LARP1: variants seen among roughly 807,000 people sequenced by gnomAD.
The protein encoded by LARP1 is la-related protein 1.
Under a neutral mutation model 122.7 loss-of-function variants are expected in LARP1, and 36 were observed. That is an observed-to-expected ratio of 0.29 (90% CI 0.22 to 0.39). The LOEUF is 0.39. LARP1 is among the 10% of genes least tolerant of loss of function. The pLI, the probability that LARP1 is intolerant of heterozygous loss-of-function variation, is 1.00. For synonymous variants in LARP1, 539 were observed against 528.7 expected (o/e 1.02, Z -0.27); for missense variants, 1,040 against 1,403.6 (o/e 0.74, Z 4.14).
chr5:154,699,404 A>G (rs1415966932), intron 1 of LARP1, among the ~76,000 whole-genome samples: 1 of 152,166 alleles, frequency 6.6e-6, no homozygotes, highest in Non-Finnish European at 1.5e-5. Flanking sequence ...GTGGTGGCTC[A>G]TGCCTGTAAT....
Position 154,816,983 on chromosome 5 carries a change from T to G in LARP1, c.*2887T>G, listed in dbSNP as rs1759712834. The G allele has an allele frequency of 6.6e-6, 1 of 152,024 alleles. No individual in the cohort carries two copies. The highest frequency in any genetic ancestry group is 1.5e-5 in the Non-Finnish European group (1 of 68,010). The allele number at this position is 152,024 out of a possible 1,614,324, so 9.4% of individuals were successfully genotyped here. A position where few individuals can be genotyped will look rare whatever the true frequency, so the allele number is the denominator to read the frequency against. Reference sequence around the variant, plus strand: ...GAGGTGCTGAGCCCCTGTGTCAAAGTTGTTAAATGTTTTTGTTTTGTTCCA... The same window carrying G: ...GAGGTGCTGAGCCCCTGTGTCAAAGGTGTTAAATGTTTTTGTTTTGTTCCA... On this transcript the variant is annotated 3_prime_UTR_variant, in exon 19 of 19. Transcript: ENST00000518297.
chr5:154,778,890 A>G (rs1470495780), intron 1 of LARP1, among the ~76,000 whole-genome samples: 1 of 152,208 alleles, frequency 6.6e-6, no homozygotes, highest in Non-Finnish European at 1.5e-5. Flanking sequence ...AGATAAATCA[A>G]ATATTTAGTA....
At chr5:154,692,328 A>AT (rs1308612757) in intron 1 of LARP1, among the ~76,000 whole-genome samples, 1 of 152,140 alleles carries the variant, frequency 6.6e-6, no homozygotes, top group Non-Finnish European at 1.5e-5. Context: ...CTAAACCTTG[A>AT]TTTCCACATC....
intron 1 of LARP1, among the ~76,000 whole-genome samples, chr5:154,707,447 A>G (rs1458281694): frequency 2.6e-5 from 4 of 152,184 alleles, no homozygotes; most frequent in African/African-American, 7.2e-5. Context: ...CATATTGTAC[A>G]TTTTCTGCCT....
intron 1 of LARP1, among the ~76,000 whole-genome samples, chr5:154,693,784 A>G (rs1397897412): frequency 6.6e-6 from 1 of 150,864 alleles, no homozygotes; most frequent in African/African-American, 2.4e-5. Flanking sequence ...TGAACTGGAG[A>G]GGCGGAGCTT....
intron 1 of LARP1, among the ~76,000 whole-genome samples, chr5:154,722,783 C>T (rs182531827): frequency 9.9e-5 from 15 of 150,868 alleles, no homozygotes; most frequent in Non-Finnish European, 7.4e-5. Context: ...CAGATTCAAG[C>T]GATTCTCCTG....
intron 7 of LARP1, among the ~76,000 whole-genome samples, 169 bp from the exon 8 acceptor site, chr5:154,795,006 G>T (rs1757633658): frequency 6.6e-6 from 1 of 152,156 alleles, no homozygotes; most frequent in African/African-American, 2.4e-5. Flanking sequence ...TGTCATGAAG[G>T]GATCACATCA....
Position 154,802,493 on chromosome 5 carries a change from T to G in LARP1, c.2109+94T>G. The stretch of plus-strand genomic sequence containing the variant: ...GATTAGCTGTGCAATTTTAGGCAGG[T>G]CCTTATAATTCAGAGTCTCAGGATT... On this transcript the variant is annotated intron_variant, in intron 11 of 18. Transcript: ENST00000518297. This position sits in a 1 kb window ranked among gnomAD's most constrained non-coding sequence, Gnocchi z 5.1. 2 of 1,408,300 alleles carry G rather than the reference T, an allele frequency of 1.4e-6. No individual in the cohort carries two copies. Among genetic ancestry groups the G allele is most frequent in the Non-Finnish European group, 1.9e-6 (2 of 1,059,778 alleles). The allele number at this position is 1,408,300 out of a possible 1,614,324, so 87.2% of individuals were successfully genotyped here. A position where few individuals can be genotyped will look rare whatever the true frequency, so the allele number is the denominator to read the frequency against.
chr5:154,760,976 G>A (rs149430458), intron 1 of LARP1, among the ~76,000 whole-genome samples: 64 of 152,322 alleles, frequency 4.2e-4, no homozygotes, highest in African/African-American at 1.5e-3. Context: ...GTTTTTAACT[G>A]TGTAACTGGA....
In LARP1 at chr5:154,813,944, G is replaced by A. The variant is rs372005840; in HGVS notation, c.3139G>A (p.Gly1047Ser). ...KRHSVVAGGGGGEGRKRCPSQ... is the reference protein window; with the variant it reads ...KRHSVVAGGGSGEGRKRCPSQ... ...ACACTCAGTGGTAGCAGGAGGTGGC[G>A]GCGGTGAGGGCAGGAAGCGGTGCCC... is the stretch of plus-strand genomic sequence containing the variant. Residue 1047 changes from glycine to serine, a missense_variant, in exon 19 of 19, where the codon GGC becomes AGC. Gly to Ser is a moderately conservative substitution (Grantham distance 56). Around this residue, in one of 8 missense-constraint regions of LARP1, gnomAD observed 129 missense variants for 160.8 expected, o/e 0.80. Coordinates refer to ENST00000518297, the MANE Select transcript of LARP1 (RefSeq NM_033551.3). 1.1e-4 allele frequency: 183 copies of A among 1,614,076 alleles called. No individual in the cohort carries two copies. In the Middle Eastern group the frequency reaches 1.2e-3, roughly 10 times the overall value.
intron 1 of LARP1, among the ~76,000 whole-genome samples, chr5:154,695,438 C>T (rs1418689767): frequency 6.6e-6 from 1 of 151,594 alleles, no homozygotes; most frequent in Non-Finnish European, 1.5e-5. Flanking sequence ...GCGGGCAGAT[C>T]ACGAGGTCAG....
intron 1 of LARP1, among the ~76,000 whole-genome samples, chr5:154,766,408 C>G (rs1232016186): frequency 6.6e-6 from 1 of 152,194 alleles, no homozygotes; most frequent in African/African-American, 2.4e-5. Context: ...CCAAGTCACT[C>G]CTGAAATGTG....
At chr5:154,813,819 A>G in intron 18 of LARP1, 68 bp from the exon 19 acceptor site, 1 of 1,325,188 alleles carries the variant, frequency 7.5e-7, no homozygotes, top group Non-Finnish European at 1.1e-6. Context: ...AAGTGTCTAG[A>G]CGGGCCTGGC....
chr5:154,689,618 TAAAAAAAAA>T (rs61699481), intron 1 of LARP1, among the ~76,000 whole-genome samples: 1 of 131,854 alleles, frequency 7.6e-6, no homozygotes, highest in African/African-American at 2.8e-5. Flanking sequence ...TGACTCCGTT[TAAAAAAAAA>T]AAAAAAAAAG....
At position 154,816,384 on chromosome 5, in the gene LARP1, G is replaced by T. The variant is rs1022503064; in HGVS notation, c.*2288G>T. 3 of 152,772 alleles carry T rather than the reference G, an allele frequency of 2.0e-5. No individual in the cohort carries two copies. The highest frequency in any genetic ancestry group is 7.2e-5 in the African/African-American group (3 of 41,450). The allele number at this position is 152,772 out of a possible 1,614,324, so 9.5% of individuals were successfully genotyped here. ...AAGCCTTAGGGTATGGGGAAAGGCT[G>T]TTATTACCTAGAGTTTACTCCCAGG... On this transcript the variant is annotated 3_prime_UTR_variant, in exon 19 of 19. Coordinates refer to ENST00000518297, the MANE Select transcript of LARP1 (RefSeq NM_033551.3).
chr5:154,781,761 T>G (rs965592346), intron 1 of LARP1, among the ~76,000 whole-genome samples: 2 of 152,238 alleles, frequency 1.3e-5, no homozygotes, highest in Non-Finnish European at 2.9e-5. Context: ...GCAATTTTTG[T>G]TTTTTAGGTT....
At chr5:154,812,117 T>C (rs1433774605) in intron 18 of LARP1, among the ~76,000 whole-genome samples, 1 of 152,208 alleles carries the variant, frequency 6.6e-6, no homozygotes, top group African/African-American at 2.4e-5. Context: ...TGGAGTGATT[T>C]AATTGATTCA....
At chr5:154,785,248 T>C (rs927546940) in intron 1 of LARP1, among the ~76,000 whole-genome samples, 1 of 152,204 alleles carries the variant, frequency 6.6e-6, no homozygotes, top group Non-Finnish European at 1.5e-5. Flanking sequence ...GGATTACCGC[T>C]CAGAAGAGCC....
chr5:154,778,258 T>TTAAAA (rs1326085254), intron 1 of LARP1, among the ~76,000 whole-genome samples: 12 of 119,712 alleles, frequency 1.0e-4, no homozygotes, highest in South Asian at 2.7e-4. Flanking sequence ...AGACTCCGTC[T>TTAAAA]AAAAAAAAAA....
Sources: allele counts gnomAD v4.1 joint callset (sites outside exome capture counted in the v4.1 genomes callset), GRCh38; gene constraint gnomAD v4.1.1; regional missense constraint gnomAD v4.1.1; non-coding constraint Gnocchi (gnomAD v3.1); transcripts MANE v1.5; gene names NCBI Gene and HGNC (gene_info 2026-07-23, HGNC 2026-07-21).